The following UPF2 variants were observed in gnomAD, a reference collection of about 807,000 sequenced individuals.
UPF2 encodes the protein regulator of nonsense transcripts 2.
A neutral mutation model predicts 141.4 loss-of-function variants in UPF2; 17 were observed. The observed-to-expected ratio is 0.12, with a 90% CI of 0.08 to 0.18. The LOEUF is 0.18. Among genes scored for constraint, UPF2 ranks in the 10% least tolerant of loss-of-function variants. UPF2 has a pLI of 1.00. For missense variants in UPF2, 1,152 were observed against 1,515.9 expected, an observed-to-expected ratio of 0.76 and a Z score of 3.99; for synonymous variants, 540 against 498.0, an observed-to-expected ratio of 1.08 and a Z score of -1.12.
chr10:11,938,173 G>A (rs761504131), intron 18 of UPF2, among the ~76,000 whole-genome samples: 4 of 151,942 alleles, frequency 2.6e-5, no homozygotes, highest in Non-Finnish European at 5.9e-5. Flanking sequence ...CAACCACAAT[G>A]CATATTGCTG....
chr10:11,947,873 T>G (rs1833023100), intron 16 of UPF2, among the ~76,000 whole-genome samples: 1 of 151,982 alleles, frequency 6.6e-6, no homozygotes. Flanking sequence ...AATCAGTATT[T>G]TATTACTTTC....
Position 12,035,045 on chromosome 10 carries a change from A to G in UPF2, c.365+14T>C, listed in dbSNP as rs1213763370. On this transcript the variant is annotated intron_variant, in intron 2 of 21. Transcript: ENST00000357604. ...CCATTCCCTCACATCAATAAATACA[A>G]TCAACTGCCTTACTTCATCTGAGCA... 3 of 1,542,368 alleles carry G rather than the reference A, an allele frequency of 1.9e-6. No individual in the cohort carries two copies. The highest frequency in any genetic ancestry group is 2.6e-6 in the Non-Finnish European group (3 of 1,155,416).
At chr10:11,969,070 C>G (rs1833369870) in intron 9 of UPF2, among the ~76,000 whole-genome samples, 1 of 151,688 alleles carries the variant, frequency 6.6e-6, no homozygotes, top group African/African-American at 2.4e-5. Context: ...CAGTGTTGCC[C>G]AGGCTGGTCT....
chr10:12,010,827 CAAT>C (rs1834113948), intron 4 of UPF2, among the ~76,000 whole-genome samples: 1 of 149,040 alleles, frequency 6.7e-6, no homozygotes, highest in Admixed American at 6.7e-5. Context: ...AATTTTAAAA[CAAT>C]GAGAGAAAAA....
intron 3 of UPF2, among the ~76,000 whole-genome samples, chr10:12,018,434 A>T (rs1834261389): frequency 6.6e-6 from 1 of 152,124 alleles, no homozygotes; most frequent in South Asian, 2.1e-4. Context: ...TACAAAAATT[A>T]GCCAGGCATG....
intron 9 of UPF2, among the ~76,000 whole-genome samples, chr10:11,978,575 G>A (rs991058549): frequency 6.6e-6 from 1 of 152,130 alleles, no homozygotes; most frequent in Non-Finnish European, 1.5e-5. Context: ...ATGGTCCAAG[G>A]TAAAACTTCT....
At chr10:11,969,959 C>T (rs1833388349) in intron 9 of UPF2, among the ~76,000 whole-genome samples, 1 of 152,162 alleles carries the variant, frequency 6.6e-6, no homozygotes, top group Admixed American at 6.5e-5. Flanking sequence ...ATATCTGTAT[C>T]TCTAATACAT....
chr10:11,938,873 T>G lies in UPF2; in HGVS notation c.3379-2161A>C, dbSNP rs867531340. ...TTTTTGTTTTTTTTTTTTTTTTTTT[T>G]TTTTTTTTTGGAGACGGAGTCTCAC... is the stretch of plus-strand genomic sequence containing the variant. On this transcript the variant is annotated intron_variant, in intron 18 of 21. Coordinates refer to ENST00000357604, the MANE Select transcript of UPF2 (RefSeq NM_015542.4). Among the ~76,000 whole-genome samples, 491 of 108,496 alleles carry G rather than the reference T, an allele frequency of 4.5e-3. 7 individuals are homozygous for G. The highest frequency in any genetic ancestry group is 0.015 in the African/African-American group (456 of 31,080). The allele number at this position is 108,496 out of a possible 152,430, so 71.2% of individuals were successfully genotyped here.
At chr10:12,015,651 G>A (rs112232179) in intron 3 of UPF2, among the ~76,000 whole-genome samples, 342 of 152,278 alleles carry the variant, frequency 2.2e-3, no homozygotes, top group African/African-American at 7.7e-3. Flanking sequence ...GCAGTGAGCC[G>A]AGATCGTGCC....
At chr10:11,973,917 T>C (rs1833461493) in intron 9 of UPF2, among the ~76,000 whole-genome samples, 1 of 152,230 alleles carries the variant, frequency 6.6e-6, no homozygotes, top group Admixed American at 6.5e-5. Flanking sequence ...TCCAATTCTG[T>C]GAAGAAAGTC....
At chr10:12,038,376 T>TCTCA (rs200377104) in intron 1 of UPF2, among the ~76,000 whole-genome samples, 15,644 of 95,482 alleles carry the variant, frequency 0.16, 1,122 homozygotes, top group Admixed American at 0.25. Context: ...TGAGACTCCA[T>TCTCA]CTCACACACA....
At chr10:11,944,002 A>G (rs1198435268) in intron 16 of UPF2, among the ~76,000 whole-genome samples, 5 of 129,622 alleles carry the variant, frequency 3.9e-5, no homozygotes, top group African/African-American at 1.5e-4. Flanking sequence ...AAAAAAACAA[A>G]AAACAAACAA....
chr10:12,035,318 T>A lies in UPF2; in HGVS notation c.106A>T (p.Arg36Trp), dbSNP rs1169745466. The A allele has an allele frequency of 6.2e-7, 1 of 1,614,028 alleles. No homozygotes were observed. Among genetic ancestry groups the A allele is most frequent in the Non-Finnish European group, 8.5e-7 (1 of 1,180,024 alleles). ...GTGAGCTTGATATCGTCTTTTGGCC[T>A]CTCCTTGCTGCTCACTGTCCGCCTT... ...SERRTVSSKE[R>W]PKDDIKLTAK... Residue 36 changes from arginine (R) to tryptophan (W), a missense_variant, in exon 2 of 22, where the codon AGG (arginine) becomes TGG (tryptophan). Coordinates refer to ENST00000357604, the MANE Select transcript of UPF2 (RefSeq NM_015542.4).
At chr10:12,025,607 T>C (rs1162516628) in intron 3 of UPF2, among the ~76,000 whole-genome samples, 1 of 152,032 alleles carries the variant, frequency 6.6e-6, no homozygotes, top group Non-Finnish European at 1.5e-5. Context: ...TAAGGTCAGT[T>C]TACACTATGT....
intron 4 of UPF2, among the ~76,000 whole-genome samples, chr10:12,013,565 G>A (rs186421462): frequency 4.6e-5 from 7 of 152,136 alleles, no homozygotes; most frequent in South Asian, 4.2e-4. Flanking sequence ...GAGCCACTGC[G>A]CCCGGCCACC....
At chr10:11,965,955 A>G (rs1022693441) in intron 10 of UPF2, among the ~76,000 whole-genome samples, 5 of 152,224 alleles carry the variant, frequency 3.3e-5, no homozygotes, top group African/African-American at 1.2e-4. Context: ...GGAATGATCA[A>G]TTTCAAATGC....
chr10:11,967,530 ATT>A, intron 9 of UPF2, 76 bp from the exon 10 acceptor site: 1 of 672,544 alleles, frequency 1.5e-6, no homozygotes, highest in Non-Finnish European at 2.3e-6. Context: ...ATTTTAATGC[ATT>A]CGAATTCACT....
intron 8 of UPF2, among the ~76,000 whole-genome samples, chr10:11,995,686 GGGA>G (rs1313473831): frequency 6.6e-6 from 1 of 152,158 alleles, no homozygotes; most frequent in East Asian, 1.9e-4. Context: ...GGGAGGCTGA[GGGA>G]GGAGAATCGC....
In UPF2 at chr10:12,004,708, A is replaced by G; in HGVS notation, c.1326T>C (p.Asp442=). The G allele has an allele frequency of 1.2e-6, 2 of 1,613,362 alleles. No individual in the cohort carries two copies. Among genetic ancestry groups the G allele is most frequent in the Non-Finnish European group, 1.7e-6 (2 of 1,179,728 alleles). ...CTCCAGGTTTACCAGGTGTGAATATATCAATTCCAGGCCCATGTTCTACAA... is the reference window on the plus strand; with the variant it reads ...CTCCAGGTTTACCAGGTGTGAATATGTCAATTCCAGGCCCATGTTCTACAA... ...PTPEEHGPGI[D]IFTPGKPGEY... The change falls in exon 5 of 22, where the codon GAT becomes GAC. Residue 442 remains aspartate, a synonymous_variant. Coordinates refer to ENST00000357604, the MANE Select transcript of UPF2 (RefSeq NM_015542.4).
Sources: gnomAD v4.1 joint callset for allele counts (sites outside exome capture counted in the v4.1 genomes callset) on GRCh38, gnomAD v4.1.1 for gene constraint, MANE v1.5 for transcripts, NCBI Gene and HGNC (gene_info 2026-07-23, HGNC 2026-07-21) for gene names.